RNF144B: variants seen among roughly 807,000 people sequenced by gnomAD.
RNF144B encodes the protein E3 ubiquitin-protein ligase RNF144B.
In RNF144B, 25 loss-of-function variants were observed where a neutral mutation model predicts 40.2. That is an observed-to-expected ratio of 0.62 (90% CI 0.45 to 0.87). The LOEUF (loss-of-function observed/expected upper bound fraction) is 0.87, where lower values mean the gene tolerates loss of function less well. Ranked by LOEUF, RNF144B falls within the 40% of genes least tolerant of loss-of-function variation. The probability of loss-of-function intolerance (pLI) is 0.00; values close to 1 mark genes in which losing one functional copy is unlikely to be tolerated. For synonymous variants in RNF144B, 145 were observed against 136.3 expected, an observed-to-expected ratio of 1.06 and a Z score of -0.44; for missense variants, 365 against 373.7, an observed-to-expected ratio of 0.98 and a Z score of 0.19.
chr6:18,396,843 C>T (rs1794702834), intron 1 of RNF144B: 1 of 984,234 alleles, frequency 1.0e-6, no homozygotes, highest in African/African-American at 1.7e-5. Context: ...TCATTTTTAC[C>T]CGTATGTTTA....
Position 18,405,137 on chromosome 6 carries a change from G to C in RNF144B, c.165+5438G>C, listed in dbSNP as rs1405186244. 2.3e-5 allele frequency among the ~76,000 whole-genome samples: 3 copies of C among 130,446 alleles called. No individual in the cohort carries two copies. In the East Asian group the frequency reaches 6.5e-4, roughly 28 times the overall value. The allele number at this position is 130,446 out of a possible 152,430, so 85.6% of individuals were successfully genotyped here. A position where few individuals can be genotyped will look rare whatever the true frequency, so the allele number is the denominator to read the frequency against. On this transcript the variant is annotated intron_variant, in intron 2 of 7. Coordinates refer to ENST00000259939, the MANE Select transcript of RNF144B (RefSeq NM_182757.4). The surrounding 1 kb of genome is among the most constrained non-coding windows in gnomAD (Gnocchi z 4.5). ...GTACCTAAATATGCTTGCTTGCAAG[G>C]TTAGTTTTTTTCTTTATTATTATTA...
chr6:18,463,907 C>T (rs1396346143), intron 7 of RNF144B, among the ~76,000 whole-genome samples: 1 of 152,102 alleles, frequency 6.6e-6, no homozygotes, highest in African/African-American at 2.4e-5. Context: ...CAGGGGAACT[C>T]CCATTTATAA....
intron 3 of RNF144B, among the ~76,000 whole-genome samples, chr6:18,438,743 A>C (rs988590376): frequency 5.9e-5 from 9 of 152,106 alleles, no homozygotes; most frequent in Non-Finnish European, 1.3e-4. Flanking sequence ...TTTGTGCCAA[A>C]AAAAGGTGAT....
At chr6:18,436,907 T>G (rs917941211) in intron 3 of RNF144B, among the ~76,000 whole-genome samples, 2 of 7,104 alleles carry the variant, frequency 2.8e-4, no homozygotes, top group South Asian at 0.017. Context: ...GTTGTTGTGT[T>G]TTTTTTTTGT....
intron 6 of RNF144B, among the ~76,000 whole-genome samples, chr6:18,461,303 ATTAT>A (rs1562061007): frequency 1.3e-5 from 2 of 152,198 alleles, no homozygotes; most frequent in African/African-American, 4.8e-5. Context: ...TTGAGTTACA[ATTAT>A]GTTTGATATT....
At chr6:18,463,055 T>TA (rs1177799508) in intron 6 of RNF144B, among the ~76,000 whole-genome samples, 1 of 131,562 alleles carries the variant, frequency 7.6e-6, no homozygotes, top group Non-Finnish European at 1.8e-5. Context: ...TCATTACTAC[T>TA]CTTTTTTTTT....
intron 2 of RNF144B, among the ~76,000 whole-genome samples, chr6:18,404,919 A>G (rs946719432): frequency 2.0e-5 from 3 of 152,134 alleles, no homozygotes; most frequent in African/African-American, 7.2e-5. Flanking sequence ...AACCACAAGA[A>G]ATAATGAGGG....
intron 2 of RNF144B, among the ~76,000 whole-genome samples, chr6:18,424,005 AG>A (rs1441222410): frequency 6.6e-6 from 1 of 152,178 alleles, no homozygotes; most frequent in Non-Finnish European, 1.5e-5. Flanking sequence ...AAATGGTGGT[AG>A]TTTTCTTTGT....
chr6:18,417,800 T>C (rs953614557), intron 2 of RNF144B, among the ~76,000 whole-genome samples: 6 of 152,120 alleles, frequency 3.9e-5, no homozygotes, highest in Non-Finnish European at 7.4e-5. Context: ...AAAAGATAAC[T>C]CACAGAATGG....
chr6:18,462,760 T>C (rs1191630024), intron 6 of RNF144B, among the ~76,000 whole-genome samples: 2 of 152,010 alleles, frequency 1.3e-5, no homozygotes, highest in Admixed American at 6.6e-5. Flanking sequence ...GTGTCCAAAC[T>C]TATCTTCCCA....
At chr6:18,404,841 T>C (rs967628126) in intron 2 of RNF144B, among the ~76,000 whole-genome samples, 2 of 152,186 alleles carry the variant, frequency 1.3e-5, no homozygotes, top group Non-Finnish European at 2.9e-5. Flanking sequence ...CATAATAATA[T>C]AATTACTTGT....
Position 18,387,489 on chromosome 6 carries a change from A to G in RNF144B, c.-178A>G. 1 of 1,295,228 alleles carries G rather than the reference A, an allele frequency of 7.7e-7. No individual in the cohort carries two copies. Among genetic ancestry groups the G allele is most frequent in the Non-Finnish European group, 1.0e-6 (1 of 992,624 alleles). 80.2% of individuals were successfully genotyped at this position (1,295,228 alleles called of 1,614,324 possible). ...TCCTGTTGCAGTCTTGCAAAGTGTA[A>G]AGCTGTCAGCCGCAGAGCACGGAGG... On this transcript the variant is annotated 5_prime_UTR_variant, in exon 1 of 8. Coordinates refer to ENST00000259939, the MANE Select transcript of RNF144B (RefSeq NM_182757.4).
intron 2 of RNF144B, among the ~76,000 whole-genome samples, chr6:18,408,964 A>C (rs1794974091): frequency 6.6e-6 from 1 of 150,784 alleles, no homozygotes; most frequent in Admixed American, 6.6e-5. Context: ...TTTCTCTGCA[A>C]AATGAGCATC....
Position 18,461,194 on chromosome 6 carries a change from A to G in RNF144B, c.681+1443A>G, listed in dbSNP as rs546769378. On this transcript the variant is annotated intron_variant, in intron 6 of 7. Transcript: ENST00000259939. ...ATCTTAGTGATTTAAGAAGAGGTAT[A>G]AACTGAGGAGAAGAAAATGGACATT... is the stretch of plus-strand genomic sequence containing the variant. Among the ~76,000 whole-genome samples, 25 of 152,320 alleles carry G rather than the reference A, an allele frequency of 1.6e-4. No homozygotes were observed. The East Asian group carries it at 4.0e-3, about 25-fold the overall frequency.
Position 18,434,235 on chromosome 6 carries a change from T to A in RNF144B, c.271-5449T>A, listed in dbSNP as rs529050085. Among the ~76,000 whole-genome samples, 27 of 152,304 alleles carry A rather than the reference T, an allele frequency of 1.8e-4. 3 individuals are homozygous for A. In the South Asian group the frequency reaches 5.6e-3, roughly 32 times the overall value. On this transcript the variant is annotated intron_variant, in intron 3 of 7. Coordinates refer to ENST00000259939, the MANE Select transcript of RNF144B (RefSeq NM_182757.4). This position sits in a 1 kb window ranked among gnomAD's most constrained non-coding sequence, Gnocchi z 4.1. ...ATTTTTTTAATTGAGTCTTTTTTTC[T>A]TAACTAAAAAGCAATATACATTGTA...
intron 2 of RNF144B, among the ~76,000 whole-genome samples, chr6:18,407,034 G>T (rs965510089): frequency 2.0e-5 from 3 of 152,060 alleles, no homozygotes; most frequent in African/African-American, 4.8e-5. Flanking sequence ...GGGGGATACT[G>T]CCCCTATAAT....
Position 18,387,590 on chromosome 6 carries a change from C to A in RNF144B, c.-77C>A, listed in dbSNP as rs1387355382. 7.6e-7 allele frequency: 1 copy of A among 1,321,490 alleles called. No homozygotes were observed. Among genetic ancestry groups the A allele is most frequent in the Non-Finnish European group, 9.9e-7 (1 of 1,006,348 alleles). 81.9% of individuals were successfully genotyped at this position (1,321,490 alleles called of 1,614,324 possible). On this transcript the variant is annotated 5_prime_UTR_variant, in exon 1 of 8. The change creates a new upstream start codon in the 5' untranslated region. Coordinates refer to ENST00000259939, the MANE Select transcript of RNF144B (RefSeq NM_182757.4). The stretch of plus-strand genomic sequence containing the variant: ...CTGGCGGTGAGCGCGAGGGAGGCTA[C>A]TGAGAAGCCCGGCGACGGAGGAACG...
chr6:18,466,774 G>A lies in RNF144B; in HGVS notation c.*1707G>A, dbSNP rs1203212660. On this transcript the variant is annotated 3_prime_UTR_variant, in exon 8 of 8. Transcript: ENST00000259939. The stretch of plus-strand genomic sequence containing the variant: ...GCCTATGTAATAGGATATATCCTAA[G>A]TGGGGATGTGTATATTTCAGGAACT... The A allele has an allele frequency of 1.3e-5, 2 of 152,638 alleles. No homozygotes were observed. The highest frequency in any genetic ancestry group is 2.4e-5 in the African/African-American group (1 of 41,456). 9.5% of individuals were successfully genotyped at this position (152,638 alleles called of 1,614,324 possible).
Position 18,457,242 on chromosome 6 carries a change from C to T in RNF144B, c.419C>T (p.Pro140Leu), listed in dbSNP as rs775713126. ...GTTGCCTCGAGTGACCCAGGACAGC[C>T]TGTGCTGGTGGAATGCCCTTCTTGC... ...CPVASSDPGQPVLVECPSCHL... is the reference protein window; with the variant it reads ...CPVASSDPGQLVLVECPSCHL... Residue 140 changes from proline to leucine, a missense_variant, in exon 5 of 8, where the codon CCT (proline) becomes CTT (leucine). Coordinates refer to ENST00000259939, the MANE Select transcript of RNF144B (RefSeq NM_182757.4). This position sits in a 1 kb window ranked among gnomAD's most constrained non-coding sequence, Gnocchi z 5.1. 1.9e-6 allele frequency: 3 copies of T among 1,614,094 alleles called. No homozygotes were observed. The highest frequency in any genetic ancestry group is 2.5e-6 in the Non-Finnish European group (3 of 1,179,960).
Sources: gnomAD v4.1 joint callset for allele counts (sites outside exome capture counted in the v4.1 genomes callset) on GRCh38, gnomAD v4.1.1 for gene constraint, Gnocchi (gnomAD v3.1) non-coding constraint, MANE v1.5 for transcripts, NCBI Gene and HGNC (gene_info 2026-07-23, HGNC 2026-07-21) for gene names.